The following CAMTA1 variants were observed in gnomAD, a reference collection of about 807,000 sequenced individuals.
CAMTA1 encodes the protein calmodulin-binding transcription activator 1.
In CAMTA1, 27 loss-of-function variants were observed where a neutral mutation model predicts 170.9. The ratio of observed to expected loss-of-function variants is 0.16; its 90% CI spans 0.12 to 0.22. CAMTA1 has a LOEUF of 0.22. CAMTA1 is among the 10% of genes least tolerant of loss of function. The probability of loss-of-function intolerance (pLI) is 1.00; values close to 1 mark genes in which losing one functional copy is unlikely to be tolerated. For synonymous variants in CAMTA1, 833 were observed against 891.5 expected, an observed-to-expected ratio of 0.93 and a Z score of 1.17; for missense variants, 1,619 against 2,217.2, an observed-to-expected ratio of 0.73 and a Z score of 5.42.
chr1:7,623,802 G>A (rs2095615288), intron 6 of CAMTA1, among the ~76,000 whole-genome samples: 1 of 152,174 alleles, frequency 6.6e-6, no homozygotes. Context: ...TTGCCTTTTA[G>A]ATCCCCTTTC....
At chr1:7,661,328 A>T (rs559774731) in intron 7 of CAMTA1, among the ~76,000 whole-genome samples, 2 of 152,234 alleles carry the variant, frequency 1.3e-5, no homozygotes, top group South Asian at 2.1e-4. Context: ...GAGTCTCCAC[A>T]AGAAGCTCAC....
At chr1:7,240,004 C>A (rs568992141) in intron 4 of CAMTA1, among the ~76,000 whole-genome samples, 15 of 152,128 alleles carry the variant, frequency 9.9e-5, no homozygotes, top group Admixed American at 2.0e-4. Flanking sequence ...TCTTATTAGG[C>A]CTGACCTCCC....
At chr1:7,471,709 G>A (rs192498780) in intron 6 of CAMTA1, among the ~76,000 whole-genome samples, 5 of 152,376 alleles carry the variant, frequency 3.3e-5, no homozygotes, top group South Asian at 2.1e-4. Flanking sequence ...CACTGCAGCC[G>A]CAGGACCCTG....
intron 5 of CAMTA1, among the ~76,000 whole-genome samples, chr1:7,365,608 C>G (rs994613599): frequency 6.6e-6 from 1 of 152,202 alleles, no homozygotes; most frequent in Non-Finnish European, 1.5e-5. Flanking sequence ...ACCGGAGTCT[C>G]CTCCTGGACC....
intron 5 of CAMTA1, among the ~76,000 whole-genome samples, chr1:7,452,128 C>G (rs190869966): frequency 1.9e-3 from 296 of 152,342 alleles, no homozygotes; most frequent in Middle Eastern, 3.4e-3. Context: ...GGTTCCCCAT[C>G]AAATTTCAGC....
rs1003219839 is a variant in CAMTA1 at position 6,918,049 on chromosome 1, A to G, written c.234+92839A>G. On this transcript the variant is annotated intron_variant, in intron 3 of 22. Transcript: ENST00000303635. This position sits in a 1 kb window ranked among gnomAD's most constrained non-coding sequence, Gnocchi z 4.0. Reference sequence around the variant, plus strand: ...TAGGCCTCACATCTAGAAGGCCCCAAATGCCCAAGTTCTTGGGCCTTGCTT... The same window carrying G: ...TAGGCCTCACATCTAGAAGGCCCCAGATGCCCAAGTTCTTGGGCCTTGCTT... Among the ~76,000 whole-genome samples the G allele has an allele frequency of 3.3e-5, 5 of 152,076 alleles. No individual in the cohort carries two copies. Among genetic ancestry groups the G allele is most frequent in the African/African-American group, 1.2e-4 (5 of 41,398 alleles).
chr1:6,884,291 G>C (rs202210293), intron 3 of CAMTA1, among the ~76,000 whole-genome samples: 51 of 136,656 alleles, frequency 3.7e-4, no homozygotes, highest in South Asian at 1.2e-3. Context: ...ATTCTCTAGA[G>C]ACACACACAC....
chr1:7,693,072 T>TGTATCAGTC (rs1395233539), intron 11 of CAMTA1: 5 of 152,086 alleles, frequency 3.3e-5, no homozygotes, highest in African/African-American at 1.2e-4. Context: ...CAAGTGTTAA[T>TGTATCAGTC]GTATCAGTCT....
chr1:7,508,237 G>A (rs1239535036), intron 6 of CAMTA1, among the ~76,000 whole-genome samples: 2 of 152,170 alleles, frequency 1.3e-5, no homozygotes, highest in Non-Finnish European at 2.9e-5. Flanking sequence ...GCCTCCGGTG[G>A]ACCCTCCACA....
chr1:7,704,151 A>T (rs1577032154), intron 11 of CAMTA1, among the ~76,000 whole-genome samples: 1 of 150,374 alleles, frequency 6.7e-6, no homozygotes, highest in African/African-American at 2.4e-5. Context: ...CGCCGGCTGC[A>T]TTGCAGACGC....
chr1:7,169,370 A>G (rs747148487), intron 4 of CAMTA1, among the ~76,000 whole-genome samples: 75 of 152,298 alleles, frequency 4.9e-4, no homozygotes, highest in Admixed American at 4.2e-3. Flanking sequence ...TTTAATTAGA[A>G]CTATTTAAGT....
At chr1:7,632,148 A>T (rs1428904919) in intron 6 of CAMTA1, among the ~76,000 whole-genome samples, 2 of 152,200 alleles carry the variant, frequency 1.3e-5, no homozygotes, top group Non-Finnish European at 2.9e-5. Flanking sequence ...GGTGCAGGGA[A>T]GGCTGTGCCT....
chr1:6,811,221 G>A (rs1645126748), intron 1 of CAMTA1, among the ~76,000 whole-genome samples: 1 of 152,182 alleles, frequency 6.6e-6, no homozygotes, highest in African/African-American at 2.4e-5. Context: ...ATCAAATGAG[G>A]TAATTCATAT....
At chr1:7,575,292 C>T (rs1197168522) in intron 6 of CAMTA1, among the ~76,000 whole-genome samples, 1 of 152,044 alleles carries the variant, frequency 6.6e-6, no homozygotes, top group Non-Finnish European at 1.5e-5. Flanking sequence ...CTCTACCCCA[C>T]ACTGCCCCGA....
chr1:7,008,846 AT>A (rs1699385198), intron 3 of CAMTA1, among the ~76,000 whole-genome samples: 1 of 152,258 alleles, frequency 6.6e-6, no homozygotes, highest in African/African-American at 2.4e-5. Flanking sequence ...TGAATGAAAT[AT>A]TTAACCTAAT....
In CAMTA1 at chr1:7,231,765, C is replaced by G. The variant is rs547610129; in HGVS notation, c.303-17726C>G. On this transcript the variant is annotated intron_variant, in intron 4 of 22. Transcript: ENST00000303635. ...CCAGACCTGGGGCCAAGCGCAGCCT[C>G]CCTCGGGTCACTGCTTGGCCTCTGA... Among the ~76,000 whole-genome samples, 8 of 152,330 alleles carry G rather than the reference C, an allele frequency of 5.3e-5. No homozygotes were observed. In the South Asian group the frequency reaches 1.7e-3, roughly 32 times the overall value.
intron 6 of CAMTA1, among the ~76,000 whole-genome samples, chr1:7,470,727 G>A (rs896472663): frequency 6.6e-6 from 1 of 152,222 alleles, no homozygotes; most frequent in Non-Finnish European, 1.5e-5. Flanking sequence ...CTTTCTCCAA[G>A]GAATAGCACC....
intron 3 of CAMTA1, among the ~76,000 whole-genome samples, chr1:6,952,168 C>T (rs1222771311): frequency 2.6e-5 from 4 of 152,188 alleles, no homozygotes; most frequent in East Asian, 1.9e-4. Flanking sequence ...CGGTGGCTCA[C>T]GCCTGTAATC....
intron 5 of CAMTA1, among the ~76,000 whole-genome samples, chr1:7,369,456 A>G (rs1373155589): frequency 6.6e-6 from 1 of 152,150 alleles, no homozygotes; most frequent in Non-Finnish European, 1.5e-5. Flanking sequence ...GACTCACAGA[A>G]CTTGCTGAAA....
Sources: gnomAD v4.1 joint callset for allele counts (sites outside exome capture counted in the v4.1 genomes callset) on GRCh38, gnomAD v4.1.1 for gene constraint, Gnocchi (gnomAD v3.1) non-coding constraint, MANE v1.5 for transcripts, NCBI Gene and HGNC (gene_info 2026-07-23, HGNC 2026-07-21) for gene names.